Variants in DPF3 observed in about 807,000 individuals in gnomAD.
The protein encoded by DPF3 is zinc finger protein DPF3.
Under a neutral mutation model 56.8 loss-of-function variants are expected in DPF3, and 18 were observed. The ratio of observed to expected loss-of-function variants is 0.32; its 90% confidence interval spans 0.22 to 0.47. The LOEUF (loss-of-function observed/expected upper bound fraction) is 0.47, where lower values mean the gene tolerates loss of function less well. DPF3 is among the 20% of genes least tolerant of loss of function. The pLI is 1.00. For missense variants in DPF3, 403 were observed against 488.8 expected, an observed-to-expected ratio of 0.82 and a Z score of 1.65; for synonymous variants, 188 against 180.2, an observed-to-expected ratio of 1.04 and a Z score of -0.35.
At chr14:72,882,956 C>T (rs143774612) in intron 1 of DPF3, among the ~76,000 whole-genome samples, 1 of 152,278 alleles carries the variant, frequency 6.6e-6, no homozygotes, top group East Asian at 1.9e-4. Context: ...GTGGAAGCTC[C>T]TCGATGTAGG....
intron 5 of DPF3, among the ~76,000 whole-genome samples, chr14:72,723,260 C>G (rs1889258966): frequency 1.3e-5 from 2 of 152,050 alleles, no homozygotes; most frequent in South Asian, 4.2e-4. Context: ...AAGCAGGTAC[C>G]CTGACTCTGT....
At chr14:72,785,874 G>T (rs1892189019) in intron 1 of DPF3, among the ~76,000 whole-genome samples, 1 of 152,210 alleles carries the variant, frequency 6.6e-6, no homozygotes, top group African/African-American at 2.4e-5. Context: ...CAGAAAAAGA[G>T]AAATGCCAGA....
intron 1 of DPF3, among the ~76,000 whole-genome samples, chr14:72,854,274 T>C (rs776857591): frequency 3.9e-5 from 6 of 152,162 alleles, no homozygotes; most frequent in Non-Finnish European, 7.3e-5. Flanking sequence ...GAGAATTGCT[T>C]GAACCCGGGA....
At chr14:72,802,904 C>T (rs1420842705) in intron 1 of DPF3, among the ~76,000 whole-genome samples, 1 of 152,140 alleles carries the variant, frequency 6.6e-6, no homozygotes, top group Non-Finnish European at 1.5e-5. Flanking sequence ...CCCTTCAGAA[C>T]CTCAGCACTT....
intron 8 of DPF3, among the ~76,000 whole-genome samples, chr14:72,650,178 G>A (rs1273023063): frequency 6.6e-6 from 1 of 152,196 alleles, no homozygotes; most frequent in Admixed American, 6.5e-5. Context: ...TGGGGATGAG[G>A]GGGGACTGCT....
At chr14:72,703,744 G>C (rs192083700) in intron 6 of DPF3, among the ~76,000 whole-genome samples, 1 of 152,216 alleles carries the variant, frequency 6.6e-6, no homozygotes, top group East Asian at 1.9e-4. Flanking sequence ...AGAACTGCAG[G>C]AGTTCATCTT....
At chr14:72,673,387 G>A (rs1441706307) in intron 8 of DPF3, among the ~76,000 whole-genome samples, 1 of 152,136 alleles carries the variant, frequency 6.6e-6, no homozygotes, top group Non-Finnish European at 1.5e-5. Context: ...GACTAAAAAT[G>A]GGGTTGAAAT....
At chr14:72,718,837 C>T (rs1188735190) in intron 5 of DPF3, among the ~76,000 whole-genome samples, 1 of 136,592 alleles carries the variant, frequency 7.3e-6, no homozygotes, top group African/African-American at 2.8e-5. Flanking sequence ...TCAATCTCGG[C>T]TCACTGCAAC....
chr14:72,810,719 A>G (rs1883007765), intron 1 of DPF3, among the ~76,000 whole-genome samples: 1 of 152,192 alleles, frequency 6.6e-6, no homozygotes, highest in South Asian at 2.1e-4. Flanking sequence ...AGAACTCTCT[A>G]TTCTCAGCCA....
At chr14:72,704,849 C>G (rs765840800) in intron 6 of DPF3, among the ~76,000 whole-genome samples, 9 of 152,144 alleles carry the variant, frequency 5.9e-5, no homozygotes, top group Non-Finnish European at 1.2e-4. Flanking sequence ...TTCATTAAGT[C>G]TTCTTCATCT....
At chr14:72,679,898 A>G (rs1333199342) in intron 7 of DPF3, among the ~76,000 whole-genome samples, 1 of 152,156 alleles carries the variant, frequency 6.6e-6, no homozygotes, top group Non-Finnish European at 1.5e-5. Context: ...TGGGGGCCGG[A>G]GATGAGAGGG....
chr14:72,823,382 C>T (rs925950730), intron 1 of DPF3, among the ~76,000 whole-genome samples: 1 of 152,220 alleles, frequency 6.6e-6, no homozygotes. Context: ...GAGAAGGAGA[C>T]CTTCACTGCA....
At chr14:72,796,076 T>G (rs1392044013) in intron 1 of DPF3, among the ~76,000 whole-genome samples, 1 of 152,232 alleles carries the variant, frequency 6.6e-6, no homozygotes, top group Non-Finnish European at 1.5e-5. Context: ...ATTCCATTAC[T>G]GAAATCTCTC....
At chr14:72,830,380 C>G (rs1388050498) in intron 1 of DPF3, among the ~76,000 whole-genome samples, 2 of 152,206 alleles carry the variant, frequency 1.3e-5, no homozygotes, top group Non-Finnish European at 2.9e-5. Context: ...TATTTTGGAT[C>G]AGTGAAAACT....
chr14:72,820,742 C>A, intron 1 of DPF3, among the ~76,000 whole-genome samples: 1 of 152,192 alleles, frequency 6.6e-6, no homozygotes. Context: ...CACCTATAAT[C>A]CCAGCACTTT....
chr14:72,707,636 G>T (rs9646164), intron 6 of DPF3, among the ~76,000 whole-genome samples: 59,880 of 151,920 alleles, frequency 0.39, 13,072 homozygotes, highest in Non-Finnish European at 0.51. Context: ...GCAGCGGGGC[G>T]TTAAAATGGT....
intron 1 of DPF3, among the ~76,000 whole-genome samples, chr14:72,778,113 T>C (rs1374107809): frequency 1.3e-5 from 2 of 152,148 alleles, no homozygotes; most frequent in African/African-American, 4.8e-5. Context: ...TTACCTGGAA[T>C]CTGACCCTGC....
chr14:72,688,417 C>T (rs1019335953), intron 7 of DPF3, among the ~76,000 whole-genome samples: 1 of 152,180 alleles, frequency 6.6e-6, no homozygotes, highest in African/African-American at 2.4e-5. Context: ...CCCAGGACTT[C>T]ATAAATGTCT....
intron 6 of DPF3, among the ~76,000 whole-genome samples, chr14:72,695,914 T>TG (rs1396407877): frequency 6.6e-6 from 1 of 152,082 alleles, no homozygotes; most frequent in African/African-American, 2.4e-5. Flanking sequence ...TCATAAATAT[T>TG]GTAAAAAAAA....
Sources: gnomAD v4.1 joint callset for allele counts (sites outside exome capture counted in the v4.1 genomes callset) on GRCh38, gnomAD v4.1.1 for gene constraint, MANE v1.5 for transcripts, NCBI Gene and HGNC (gene_info 2026-07-23, HGNC 2026-07-21) for gene names.